The following GEMIN5 variants were observed in gnomAD, a reference collection of about 807,000 sequenced individuals.
The protein encoded by GEMIN5 is gem nuclear organelle associated protein 5, also known as gem-associated protein 5.
In GEMIN5, 124 loss-of-function variants were observed where a neutral mutation model predicts 176.9. The ratio of observed to expected loss-of-function variants is 0.70; its 90% CI spans 0.61 to 0.81. The LOEUF is 0.81. Ranked by LOEUF, GEMIN5 falls within the 40% of genes least tolerant of loss-of-function variation. The pLI, the probability that GEMIN5 is intolerant of heterozygous loss-of-function variation, is 0.00. For missense variants in GEMIN5, 1,843 were observed against 1,814.6 expected (o/e 1.02, Z -0.28); for synonymous variants, 673 against 665.2 (o/e 1.01, Z -0.18).
chr5:154,935,743 GT>G, intron 3 of GEMIN5, 97 bp downstream of exon 3: 2 of 815,122 alleles, frequency 2.5e-6, no homozygotes, highest in South Asian at 3.4e-5. Flanking sequence ...TCTGTAGATG[GT>G]TTCCTTTGAG....
Position 154,932,244 on chromosome 5 carries a change from C to T in GEMIN5, c.516G>A (p.Lys172=). Residue 172 remains lysine, a synonymous_variant, in exon 4 of 28, where the codon AAG becomes AAA. Transcript: ENST00000285873. ...HHEDLVAIGY[K]DGIVVIIDIS... ...TGTCAATTATCACCACTATGCCATC[C>T]TTGTAGCTAAAAAACAAGAGTTAGA... The T allele has an allele frequency of 6.2e-7, 1 of 1,601,608 alleles. No individual in the cohort carries two copies. The highest frequency in any genetic ancestry group is 8.5e-7 in the Non-Finnish European group (1 of 1,172,058).
At position 154,924,450 on chromosome 5, in the gene GEMIN5, A is replaced by G; in HGVS notation, c.1379+19T>C. 6.6e-7 allele frequency: 1 copy of G among 1,518,246 alleles called. No homozygotes were observed. The highest frequency in any genetic ancestry group is 9.1e-7 in the Non-Finnish European group (1 of 1,094,746). The allele number at this position is 1,518,246 out of a possible 1,614,324, so 94.0% of individuals were successfully genotyped here. A position where few individuals can be genotyped will look rare whatever the true frequency, so the allele number is the denominator to read the frequency against. On this transcript the variant is annotated intron_variant, in intron 9 of 27. Transcript: ENST00000285873. ...TGGCTCCCCGGGCCACAATGGAAGA[A>G]GAATCACCCATTTCTTACTTGTTGG...
intron 13 of GEMIN5, among the ~76,000 whole-genome samples, chr5:154,916,749 C>G (rs1763817992): frequency 6.6e-6 from 1 of 152,228 alleles, no homozygotes; most frequent in Non-Finnish European, 1.5e-5. Flanking sequence ...CTCGTTGTGG[C>G]CTCCTAAAGT....
intron 14 of GEMIN5, among the ~76,000 whole-genome samples, chr5:154,912,286 C>T (rs770904372): frequency 8.0e-4 from 122 of 152,322 alleles, no homozygotes; most frequent in Non-Finnish European, 1.5e-3. Flanking sequence ...TTGTCTCCAA[C>T]TCCTTGAGTA....
At chr5:154,893,291 T>G (rs1451702678) in intron 24 of GEMIN5, among the ~76,000 whole-genome samples, 20 of 140,452 alleles carry the variant, frequency 1.4e-4, no homozygotes, top group Admixed American at 9.2e-4. Flanking sequence ...TTAGCCGGGC[T>G]TGGTGGTGCA....
At chr5:154,911,368 G>C (rs1358002365) in intron 15 of GEMIN5, among the ~76,000 whole-genome samples, 1 of 152,074 alleles carries the variant, frequency 6.6e-6, no homozygotes, top group Non-Finnish European at 1.5e-5. Flanking sequence ...AAAAAAATTA[G>C]CCAGCATGGT....
intron 18 of GEMIN5, among the ~76,000 whole-genome samples, chr5:154,903,515 G>C (rs62382194): frequency 0.061 from 9,295 of 152,188 alleles, 308 homozygotes; most frequent in Middle Eastern, 0.085. Flanking sequence ...TAATTTTCCA[G>C]TAAGGAAAAT....
chr5:154,893,877 G>A (rs1763292473), intron 24 of GEMIN5, among the ~76,000 whole-genome samples: 1 of 152,146 alleles, frequency 6.6e-6, no homozygotes, highest in African/African-American at 2.4e-5. Flanking sequence ...CAGAGTGGCT[G>A]GGACTACAGG....
At position 154,938,126 on chromosome 5, in the gene GEMIN5, T is replaced by C. The variant is rs1764311316; in HGVS notation, c.8A>G (p.Gln3Arg). The part of the protein sequence containing the change: MG[Q>R]EPRTLPPSPN... ...GGAGGGCGGCAGCGTCCGCGGCTCC[T>C]GCCCCATAACTACAAGCCGTCAGAG... Residue 3 changes from glutamine (Q) to arginine (R), a missense_variant, in exon 1 of 28, where the codon CAG becomes CGG. By Grantham distance (43) the Gln-to-Arg change is conservative. Transcript: ENST00000285873. The C allele has an allele frequency of 7.2e-7, 1 of 1,391,008 alleles. No individual in the cohort carries two copies. The highest frequency in any genetic ancestry group is 9.4e-7 in the Non-Finnish European group (1 of 1,067,888). The allele number at this position is 1,391,008 out of a possible 1,614,324, so 86.2% of individuals were successfully genotyped here.
chr5:154,900,436 A>T lies in GEMIN5; in HGVS notation c.3014+903T>A, dbSNP rs542573411. ...CTTACCTTTCTGCCATAAAACTAAA[A>T]AACTGGACAAAATGGCTGAAACAAC... On this transcript the variant is annotated intron_variant, in intron 21 of 27. Transcript: ENST00000285873. 1.6e-3 allele frequency among the ~76,000 whole-genome samples: 249 copies of T among 152,350 alleles called. 1 individual carries two copies. Among genetic ancestry groups the T allele is most frequent in the African/African-American group, 5.7e-3 (236 of 41,584 alleles).
At chr5:154,902,405 T>C (rs1167594793) in intron 20 of GEMIN5, 134 bp downstream of exon 20, 1 of 777,170 alleles carries the variant, frequency 1.3e-6, no homozygotes, top group Non-Finnish European at 2.1e-6. Flanking sequence ...TTAGTTTGTC[T>C]ATTGCTGTCT....
In GEMIN5 at chr5:154,907,609, AG is replaced by A. The variant is rs1310716671; in HGVS notation, c.2376del (p.Cys793ValfsTer35). 3.1e-6 allele frequency: 5 copies of A among 1,613,392 alleles called. No homozygotes were observed. Among genetic ancestry groups the A allele is most frequent in the Non-Finnish European group, 4.2e-6 (5 of 1,179,414 alleles). ...CACATACCCGCTGGAGCAAGGCCAC[AG>A]GGTAATTCCGGCTCCCGTGCTTGCT... The part of the protein sequence containing the change: ...GEEQAREPEL[P>X]CGLAPAVSRE... On this transcript the variant is annotated frameshift_variant, in exon 16 of 28. Transcript: ENST00000285873. LOFTEE classifies it high-confidence loss of function.
rs993489956 is a variant in GEMIN5 at position 154,911,944 on chromosome 5, T to G, written c.1996-46A>C. ...CCGAAAAGACATTTTCTGGTTATTCTATTGTTTGGGCAGTATGTTTTCTAA... is the reference window on the plus strand; with the variant it reads ...CCGAAAAGACATTTTCTGGTTATTCGATTGTTTGGGCAGTATGTTTTCTAA... On this transcript the variant is annotated intron_variant, in intron 14 of 27. Transcript: ENST00000285873. 6 of 1,548,066 alleles carry G rather than the reference T, an allele frequency of 3.9e-6. No homozygotes were observed. In the African/African-American group the frequency reaches 8.2e-5, roughly 21 times the overall value.
At chr5:154,917,444 C>T (rs1763837153) in intron 12 of GEMIN5, among the ~76,000 whole-genome samples, 1 of 151,978 alleles carries the variant, frequency 6.6e-6, no homozygotes, top group African/African-American at 2.4e-5. Flanking sequence ...TTTAACTTTC[C>T]ACACTACCTC....
chr5:154,888,240 G>A lies in GEMIN5; in HGVS notation c.4497C>T (p.Tyr1499=), dbSNP rs1417372404. Residue 1499 remains tyrosine (Y), a synonymous_variant, in exon 28 of 28, where the codon TAC becomes TAT. Coordinates refer to ENST00000285873, the MANE Select transcript of GEMIN5 (RefSeq NM_015465.5). ...TACAGAAGGTCTGGCAGTGTCTTCT[G>A]TAAGTTTTCGTGTTGCCGTATTTCT... ...LLQKYGNTKT[Y]RRHCQTFCM The A allele has an allele frequency of 5.0e-6, 8 of 1,614,068 alleles. No individual in the cohort carries two copies. In the African/African-American group the frequency reaches 1.1e-4, roughly 22 times the overall value.
At chr5:154,926,130 A>G in intron 7 of GEMIN5, 56 bp from the exon 8 acceptor site, 2 of 1,119,092 alleles carry the variant, frequency 1.8e-6, no homozygotes, top group South Asian at 2.6e-5. Context: ...AAATAGGAAA[A>G]AAAACCTGAT....
At position 154,936,008 on chromosome 5, in the gene GEMIN5, T is replaced by G. The variant is rs1257088220; in HGVS notation, c.342A>C (p.Thr114=). 7 of 1,600,388 alleles carry G rather than the reference T, an allele frequency of 4.4e-6. No individual in the cohort carries two copies. Among genetic ancestry groups the G allele is most frequent in the Non-Finnish European group, 6.0e-6 (7 of 1,174,624 alleles). ...CCTTTACTCGAGGAGACCAATGTAATGTTGATATCGTATGCTTTAAAACAA... is the reference window on the plus strand; with the variant it reads ...CCTTTACTCGAGGAGACCAATGTAAGGTTGATATCGTATGCTTTAAAACAA... ...EHALHQHTIS[T]LHWSPRVKDL... is the part of the protein sequence containing the mutation. Residue 114 remains threonine (T), a synonymous_variant, in exon 3 of 28, where the codon ACA becomes ACC. Transcript: ENST00000285873.
Position 154,906,196 on chromosome 5 carries a change from A to G in GEMIN5, c.2396-720T>C, listed in dbSNP as rs138724004. ...TTTTTTGCAAAGATGGGGGTTCCCT[A>G]TGTTGCTTAGGCTAGTCTCAAGCTC... On this transcript the variant is annotated intron_variant, in intron 16 of 27. Coordinates refer to ENST00000285873, the MANE Select transcript of GEMIN5 (RefSeq NM_015465.5). 7.8e-3 allele frequency among the ~76,000 whole-genome samples: 1,189 copies of G among 151,996 alleles called. 12 individuals are homozygous for G. The highest frequency in any genetic ancestry group is 0.017 in the South Asian group (80 of 4,820).
At chr5:154,916,356 G>T (rs932776895) in intron 13 of GEMIN5, among the ~76,000 whole-genome samples, 1 of 152,136 alleles carries the variant, frequency 6.6e-6, no homozygotes, top group African/African-American at 2.4e-5. Context: ...CAAGTACACA[G>T]AAGTGCAAAC....
Sources: gnomAD v4.1 joint callset for allele counts (sites outside exome capture counted in the v4.1 genomes callset) on GRCh38, gnomAD v4.1.1 for gene constraint, MANE v1.5 for transcripts, NCBI Gene and HGNC (gene_info 2026-07-23, HGNC 2026-07-21) for gene names.